The following RAB31 variants were observed in gnomAD, a reference collection of about 807,000 sequenced individuals.
RAB31 encodes the protein ras-related protein Rab-31.
Under a neutral mutation model 25.6 loss-of-function variants are expected in RAB31, and 21 were observed. The ratio of observed to expected loss-of-function variants is 0.82; its 90% CI spans 0.58 to 1.18. The LOEUF is 1.18. Among genes scored for constraint, RAB31 ranks in the 50% most tolerant of loss-of-function variants. RAB31 has a pLI of 0.00. For synonymous variants in RAB31, 87 were observed against 84.0 expected (o/e 1.04, Z -0.20); for missense variants, 196 against 250.1 (o/e 0.78, Z 1.46).
chr18:9,731,847 C>G (rs1460217772), intron 1 of RAB31, among the ~76,000 whole-genome samples: 1 of 152,070 alleles, frequency 6.6e-6, no homozygotes, highest in Non-Finnish European at 1.5e-5. Context: ...CTGCCTGCCT[C>G]AGCTCCCAAA....
chr18:9,806,438 C>G (rs2068541777), intron 3 of RAB31, among the ~76,000 whole-genome samples: 1 of 151,718 alleles, frequency 6.6e-6, no homozygotes, highest in East Asian at 1.9e-4. Context: ...CTTGAGGATG[C>G]TGGTGGAGGA....
intron 2 of RAB31, among the ~76,000 whole-genome samples, chr18:9,791,886 A>C (rs1208796864): frequency 6.6e-6 from 1 of 152,176 alleles, no homozygotes. Flanking sequence ...TTACGGCATG[A>C]ACCACCGCGC....
At chr18:9,757,881 A>C (rs1370718008) in intron 1 of RAB31, 2 of 152,216 alleles carry the variant, frequency 1.3e-5, no homozygotes, top group Non-Finnish European at 2.9e-5. Context: ...GATTAACTCC[A>C]GTTCTGGCAA....
At chr18:9,761,954 A>C (rs925926880) in intron 1 of RAB31, among the ~76,000 whole-genome samples, 7 of 152,058 alleles carry the variant, frequency 4.6e-5, no homozygotes, top group Non-Finnish European at 7.4e-5. Context: ...TTACAGGTGC[A>C]CACCACCATG....
chr18:9,813,163 T>C (rs1233148005), intron 3 of RAB31, among the ~76,000 whole-genome samples: 1 of 152,230 alleles, frequency 6.6e-6, no homozygotes. Flanking sequence ...GGAATGGAGC[T>C]CCTCTGCTGT....
At chr18:9,789,597 C>T (rs1403510345) in intron 2 of RAB31, among the ~76,000 whole-genome samples, 1 of 152,136 alleles carries the variant, frequency 6.6e-6, no homozygotes, top group African/African-American at 2.4e-5. Context: ...TTGGGAAGGA[C>T]ATATACCAAT....
At chr18:9,771,667 C>G (rs1488293584) in intron 1 of RAB31, among the ~76,000 whole-genome samples, 1 of 152,182 alleles carries the variant, frequency 6.6e-6, no homozygotes, top group Non-Finnish European at 1.5e-5. Context: ...TAGGGTGTGC[C>G]CCTGGTGGCC....
chr18:9,727,412 G>C (rs1202121763), intron 1 of RAB31, among the ~76,000 whole-genome samples: 1 of 152,188 alleles, frequency 6.6e-6, no homozygotes, highest in African/African-American at 2.4e-5. Flanking sequence ...AAACTCGCAG[G>C]CTCACACAAT....
At chr18:9,811,503 C>T (rs2068570553) in intron 3 of RAB31, among the ~76,000 whole-genome samples, 1 of 152,292 alleles carries the variant, frequency 6.6e-6, no homozygotes, top group African/African-American at 2.4e-5. Context: ...GCCAGAAAAG[C>T]TTCAGGATCC....
At chr18:9,726,309 G>A (rs1819995982) in intron 1 of RAB31, among the ~76,000 whole-genome samples, 1 of 152,188 alleles carries the variant, frequency 6.6e-6, no homozygotes, top group African/African-American at 2.4e-5. Context: ...AGGTTCCCAG[G>A]TCTGCTATTA....
chr18:9,762,259 G>A (rs919245553), intron 1 of RAB31, among the ~76,000 whole-genome samples: 11 of 152,344 alleles, frequency 7.2e-5, no homozygotes, highest in Non-Finnish European at 1.6e-4. Flanking sequence ...GCTGCCTACT[G>A]CAATTGTCAT....
At chr18:9,825,900 G>A (rs747839906) in intron 5 of RAB31, among the ~76,000 whole-genome samples, 26 of 152,242 alleles carry the variant, frequency 1.7e-4, no homozygotes, top group Non-Finnish European at 2.4e-4. Context: ...GGGCACTCAC[G>A]GACATAAAGA....
intron 6 of RAB31, among the ~76,000 whole-genome samples, chr18:9,855,249 TA>T (rs34984829): frequency 0.051 from 7,319 of 144,396 alleles, 565 homozygotes; most frequent in African/African-American, 0.17. Flanking sequence ...AAACTGAACT[TA>T]AAAAAAAAAA....
chr18:9,756,316 G>C (rs73383297), intron 1 of RAB31, among the ~76,000 whole-genome samples: 1 of 152,164 alleles, frequency 6.6e-6, no homozygotes, highest in Non-Finnish European at 1.5e-5. Flanking sequence ...ACAGTGTAGA[G>C]TCAGGAAAGC....
At chr18:9,712,700 T>C (rs995711463) in intron 1 of RAB31, among the ~76,000 whole-genome samples, 26 of 151,980 alleles carry the variant, frequency 1.7e-4, no homozygotes, top group African/African-American at 4.6e-4. Flanking sequence ...GGGACCTTTG[T>C]TTTGTTATCT....
At chr18:9,818,273 T>C (rs1197397885) in intron 5 of RAB31, among the ~76,000 whole-genome samples, 1 of 152,198 alleles carries the variant, frequency 6.6e-6, no homozygotes, top group Admixed American at 6.5e-5. Flanking sequence ...GTTCAACGAC[T>C]GTTAGTATAT....
At chr18:9,729,029 G>A (rs559104670) in intron 1 of RAB31, among the ~76,000 whole-genome samples, 6 of 152,020 alleles carry the variant, frequency 3.9e-5, no homozygotes, top group Non-Finnish European at 8.8e-5. Flanking sequence ...TTACTGATTT[G>A]TGAGTAATCT....
rs531437699 is a variant in RAB31 at position 9,744,354 on chromosome 18, CAAAGTTCGTATTTGT to C, written c.40-30920_40-30906del. 2.8e-4 allele frequency among the ~76,000 whole-genome samples: 42 copies of C among 152,306 alleles called. No homozygotes were observed. In the South Asian group the frequency reaches 8.3e-3, roughly 30 times the overall value. On this transcript the variant is annotated intron_variant, in intron 1 of 6. Coordinates refer to ENST00000578921, the MANE Select transcript of RAB31 (RefSeq NM_006868.4). The stretch of plus-strand genomic sequence containing the variant: ...GACCCCCTCCAAGCCGTAGGAAAAG[CAAAGTTCGTATTTGT>C]AAATTCATTTCAACATTCCTTTACT...
chr18:9,744,274 G>C (rs1036934885), intron 1 of RAB31, among the ~76,000 whole-genome samples: 2 of 152,184 alleles, frequency 1.3e-5, no homozygotes, highest in African/African-American at 4.8e-5. Context: ...TGGTAGCAAT[G>C]CAAAATAACT....
Sources: allele counts gnomAD v4.1 joint callset (sites outside exome capture counted in the v4.1 genomes callset), GRCh38; gene constraint gnomAD v4.1.1; transcripts MANE v1.5; gene names NCBI Gene and HGNC (gene_info 2026-07-23, HGNC 2026-07-21).